The following ERCC6L2 variants were observed in gnomAD, a reference collection of about 807,000 sequenced individuals.
ERCC6L2 encodes DNA excision repair protein ERCC-6-like 2.
In ERCC6L2, 77 loss-of-function variants were observed where a neutral mutation model predicts 132.0. That is an observed-to-expected ratio of 0.58 (90% confidence interval 0.49 to 0.71). ERCC6L2 has a LOEUF of 0.71. Among genes scored for constraint, ERCC6L2 ranks in the 30% least tolerant of loss-of-function variants. ERCC6L2 has a pLI of 0.00. For synonymous variants in ERCC6L2, 583 were observed against 632.4 expected (o/e 0.92, Z 1.17); for missense variants, 1,542 against 1,837.6 (o/e 0.84, Z 2.94).
chr9:95,993,830 C>G (rs1009597959), intron 17 of ERCC6L2, among the ~76,000 whole-genome samples: 2 of 152,176 alleles, frequency 1.3e-5, no homozygotes, highest in African/African-American at 4.8e-5. Flanking sequence ...ACTTTCATCT[C>G]CCTCTCTCCC....
chr9:95,922,543 T>A, intron 8 of ERCC6L2, 125 bp downstream of exon 8: 1 of 624,158 alleles, frequency 1.6e-6, no homozygotes, highest in South Asian at 2.0e-5. Context: ...TGCTTATTTT[T>A]AAATGTAGAT....
intron 12 of ERCC6L2, among the ~76,000 whole-genome samples, chr9:95,950,515 G>A (rs73656588): frequency 0.027 from 4,039 of 152,144 alleles, 201 homozygotes; most frequent in African/African-American, 0.093. Flanking sequence ...AATGTAAATG[G>A]ATCAAATTCC....
intron 2 of ERCC6L2, among the ~76,000 whole-genome samples, chr9:95,886,532 C>T (rs1458545141): frequency 6.6e-6 from 1 of 152,122 alleles, no homozygotes; most frequent in Non-Finnish European, 1.5e-5. Flanking sequence ...CTATCATCTA[C>T]TGCCTTCTTT....
intron 15 of ERCC6L2, 83 bp from the exon 16 acceptor site, chr9:95,971,850 C>T (rs1832427369): frequency 2.3e-6 from 2 of 855,222 alleles, no homozygotes; most frequent in African/African-American, 1.8e-5. Flanking sequence ...CCTAAATTAC[C>T]TGCCCAAAGT....
rs764042928 is a variant in ERCC6L2, at chr9:95,978,229, AG to A, written c.3492+17del. On this transcript the variant is annotated intron_variant, in intron 17 of 18. Transcript: ENST00000653738. ...TGCAGTTCTAAGGTAAGAAAAATATAGGGTAGTATCATCTTTAGTTACCTCA... is the reference window on the plus strand; with the variant it reads ...TGCAGTTCTAAGGTAAGAAAAATATAGGTAGTATCATCTTTAGTTACCTCA... The A allele has an allele frequency of 3.9e-5, 53 of 1,348,796 alleles. No individual in the cohort carries two copies. Among genetic ancestry groups the A allele is most frequent in the Non-Finnish European group, 4.9e-5 (50 of 1,013,032 alleles). The allele number at this position is 1,348,796 out of a possible 1,614,324, so 83.6% of individuals were successfully genotyped here. A position where few individuals can be genotyped will look rare whatever the true frequency, so the allele number is the denominator to read the frequency against.
intron 17 of ERCC6L2, among the ~76,000 whole-genome samples, chr9:95,993,499 C>G (rs1298940674): frequency 1.3e-5 from 2 of 152,182 alleles, no homozygotes; most frequent in Admixed American, 6.5e-5. Context: ...TCCTGTGTTT[C>G]TGTCTGTAGC....
chr9:95,914,463 C>T (rs1284987284), intron 4 of ERCC6L2, among the ~76,000 whole-genome samples: 2 of 152,088 alleles, frequency 1.3e-5, no homozygotes, highest in African/African-American at 4.8e-5. Context: ...AAGTGATTCT[C>T]CTGCCTCAGC....
At position 95,876,042 on chromosome 9, in the gene ERCC6L2, G is replaced by A. The variant is rs768362145; in HGVS notation, c.4G>A (p.Asp2Asn). The A allele has an allele frequency of 4.4e-6, 7 of 1,589,286 alleles. No individual in the cohort carries two copies. Among genetic ancestry groups the A allele is most frequent in the Non-Finnish European group, 8.6e-7 (1 of 1,168,768 alleles). Residue 2 changes from aspartate to asparagine, a missense_variant, in exon 1 of 19, where the codon GAT (aspartate) becomes AAT (asparagine). Physicochemically the swap from Asp to Asn is conservative, Grantham distance 23. Around this residue, in one of 4 missense-constraint regions of ERCC6L2, gnomAD observed 153 missense variants for 132.3 expected, o/e 1.16. Transcript: ENST00000653738. M[D>N]PSAPQPRAET... is the part of the protein sequence containing the mutation. ...CTCGGCCCCTCCCCCTGGCCGGATGGATCCGTCGGCGCCACAGCCCCGCGC... is the reference window on the plus strand; with the variant it reads ...CTCGGCCCCTCCCCCTGGCCGGATGAATCCGTCGGCGCCACAGCCCCGCGC...
chr9:95,990,733 AGT>A (rs150879813), intron 17 of ERCC6L2, among the ~76,000 whole-genome samples: 1,941 of 152,312 alleles, frequency 0.013, 54 homozygotes, highest in African/African-American at 0.045. Context: ...GCAGTGTCCA[AGT>A]GTGTTACAAC....
At chr9:95,964,560 G>C (rs1435089453) in intron 13 of ERCC6L2, among the ~76,000 whole-genome samples, 1 of 152,164 alleles carries the variant, frequency 6.6e-6, no homozygotes, top group East Asian at 1.9e-4. Flanking sequence ...CAAAGGGTCA[G>C]AGAGAAAAAT....
chr9:96,021,246 C>G, downstream of ERCC6L2: 2 of 348,126 alleles, frequency 5.7e-6, no homozygotes, highest in Non-Finnish European at 1.1e-5. This position sits in a 1 kb window ranked among gnomAD's most constrained non-coding sequence, Gnocchi z 4.7. Context: ...GGAGCCGCCC[C>G]AAGCAACCCG....
chr9:95,919,411 T>G (rs1175393590), intron 6 of ERCC6L2, among the ~76,000 whole-genome samples: 1 of 152,208 alleles, frequency 6.6e-6, no homozygotes, highest in African/African-American at 2.4e-5. Flanking sequence ...AAGGACTACC[T>G]TTTAAAGTTA....
At chr9:95,881,353 T>C (rs1827582516) in intron 2 of ERCC6L2, 60 bp downstream of exon 2, 1 of 1,291,888 alleles carries the variant, frequency 7.7e-7, no homozygotes, top group Non-Finnish European at 1.0e-6. Flanking sequence ...GGATACTATA[T>C]GTAAATCTTT....
chr9:95,951,213 T>A (rs1463960024), intron 12 of ERCC6L2, among the ~76,000 whole-genome samples: 1 of 151,982 alleles, frequency 6.6e-6, no homozygotes, highest in Non-Finnish European at 1.5e-5. Flanking sequence ...CAACACACAC[T>A]TAACAAAAGG....
At chr9:95,947,547 G>A (rs1056820275) in intron 12 of ERCC6L2, among the ~76,000 whole-genome samples, 1 of 152,150 alleles carries the variant, frequency 6.6e-6, no homozygotes, top group Non-Finnish European at 1.5e-5. Context: ...ATTGTTGAAG[G>A]TACCTACATT....
chr9:95,973,109 A>T lies in ERCC6L2; in HGVS notation c.3337+21A>T, dbSNP rs746410667. The T allele has an allele frequency of 5.5e-6, 7 of 1,266,776 alleles. No homozygotes were observed. In the South Asian group the frequency reaches 9.6e-5, roughly 17 times the overall value. 78.5% of individuals were successfully genotyped at this position (1,266,776 alleles called of 1,614,324 possible). A position where few individuals can be genotyped will look rare whatever the true frequency, so the allele number is the denominator to read the frequency against. ...TTTAGGTAACTAAAGACACATTCTC[A>T]AAACTTTAAAAAGTATATTTGTTTT... is the stretch of plus-strand genomic sequence containing the variant. On this transcript the variant is annotated intron_variant, in intron 16 of 18. Transcript: ENST00000653738.
intron 14 of ERCC6L2, chr9:95,968,454 A>T (rs1277460349): frequency 3.9e-5 from 6 of 152,186 alleles, no homozygotes; most frequent in Non-Finnish European, 8.8e-5. Context: ...AAATTTATTC[A>T]GGATTGGTTA....
At chr9:95,886,803 G>A (rs749176311) in intron 2 of ERCC6L2, among the ~76,000 whole-genome samples, 3 of 152,202 alleles carry the variant, frequency 2.0e-5, no homozygotes, top group Non-Finnish European at 4.4e-5. Context: ...GAGTCAGTGG[G>A]CTGGGAAAGA....
chr9:95,879,227 G>A (rs1399020313), intron 1 of ERCC6L2, among the ~76,000 whole-genome samples: 2 of 152,102 alleles, frequency 1.3e-5, no homozygotes, highest in Non-Finnish European at 2.9e-5. Context: ...TCTCATTGTG[G>A]CTTTGATTTG....
Sources: allele counts gnomAD v4.1 joint callset (sites outside exome capture counted in the v4.1 genomes callset), GRCh38; gene constraint gnomAD v4.1.1; regional missense constraint gnomAD v4.1.1; non-coding constraint Gnocchi (gnomAD v3.1); transcripts MANE v1.5; gene names NCBI Gene and HGNC (gene_info 2026-07-23, HGNC 2026-07-21).